The following WDR72 variants were observed in gnomAD, a reference collection of about 807,000 sequenced individuals.
The protein encoded by WDR72 is WD repeat-containing protein 72.
In WDR72, 120 loss-of-function variants were observed where a neutral mutation model predicts 124.2. That is an observed-to-expected ratio of 0.97 (90% CI 0.83 to 1.12). The LOEUF is 1.12. Ranked by LOEUF, WDR72 falls within the 50% of genes most tolerant of loss-of-function variation. The pLI is 0.00. For synonymous variants in WDR72, 452 were observed against 441.7 expected (o/e 1.02, Z -0.29); for missense variants, 1,387 against 1,278.8 (o/e 1.08, Z -1.29).
At chr15:53,695,965 TC>T (rs2016991554) in intron 13 of WDR72, among the ~76,000 whole-genome samples, 1 of 152,072 alleles carries the variant, frequency 6.6e-6, no homozygotes, top group Non-Finnish European at 1.5e-5. Context: ...CTCCCCAAGC[TC>T]CCACCAAGGC....
intron 1 of WDR72, among the ~76,000 whole-genome samples, chr15:53,742,399 C>G (rs1420320926): frequency 6.6e-6 from 1 of 152,108 alleles, no homozygotes; most frequent in African/African-American, 2.4e-5. Flanking sequence ...AATTATGTGT[C>G]TAGACAAGTT....
At chr15:53,702,102 A>C in intron 12 of WDR72, 32 bp downstream of exon 12, 1 of 1,523,250 alleles carries the variant, frequency 6.6e-7, no homozygotes, top group Non-Finnish European at 9.0e-7. Flanking sequence ...TAATTTTCAA[A>C]TTTAGATGTT....
At chr15:53,635,495 T>C (rs1191864194) in intron 14 of WDR72, among the ~76,000 whole-genome samples, 1 of 152,196 alleles carries the variant, frequency 6.6e-6, no homozygotes, top group Non-Finnish European at 1.5e-5. Context: ...GCTTAAAATT[T>C]ATTTTCTTAA....
intron 1 of WDR72, among the ~76,000 whole-genome samples, chr15:53,737,893 A>G (rs2018402680): frequency 1.3e-5 from 2 of 152,280 alleles, no homozygotes; most frequent in Admixed American, 1.3e-4. Context: ...TAAAACTGTG[A>G]CCCTCCTGGA....
At chr15:53,578,100 A>T (rs1321166863) in intron 18 of WDR72, among the ~76,000 whole-genome samples, 1 of 152,124 alleles carries the variant, frequency 6.6e-6, no homozygotes, top group Non-Finnish European at 1.5e-5. Context: ...ATTCCCTGCC[A>T]TCTATTTGTT....
chr15:53,594,994 T>C (rs2012704415), intron 18 of WDR72, among the ~76,000 whole-genome samples: 1 of 152,166 alleles, frequency 6.6e-6, no homozygotes, highest in African/African-American at 2.4e-5. Context: ...GTCTCCCATT[T>C]AATTGCAATT....
intron 18 of WDR72, among the ~76,000 whole-genome samples, chr15:53,562,846 CTTATA>C (rs1894171545): frequency 6.6e-6 from 1 of 151,690 alleles, no homozygotes; most frequent in South Asian, 2.1e-4. Flanking sequence ...GTCAAATAAA[CTTATA>C]TTATGACATT....
At chr15:53,692,703 G>A (rs747870124) in intron 13 of WDR72, among the ~76,000 whole-genome samples, 6 of 152,066 alleles carry the variant, frequency 3.9e-5, no homozygotes, top group African/African-American at 7.2e-5. Context: ...GCAAACATAC[G>A]CACATGCACA....
chr15:53,695,415 G>A (rs1054781798), intron 13 of WDR72, among the ~76,000 whole-genome samples: 2 of 152,286 alleles, frequency 1.3e-5, no homozygotes, highest in East Asian at 1.9e-4. Flanking sequence ...ACATTATTAC[G>A]CCTATTGTGT....
At position 53,600,433 on chromosome 15, in the gene WDR72, AT is replaced by A. The variant is rs368770409; in HGVS notation, c.2953-3160del. Among the ~76,000 whole-genome samples the A allele has an allele frequency of 2.7e-3, 411 of 152,316 alleles. 1 individual carries two copies. Among genetic ancestry groups the A allele is most frequent in the African/African-American group, 9.6e-3 (400 of 41,580 alleles). On this transcript the variant is annotated intron_variant, in intron 17 of 19. Coordinates refer to ENST00000360509, the MANE Select transcript of WDR72 (RefSeq NM_182758.4). The stretch of plus-strand genomic sequence containing the variant: ...AAGAAATTTCTTCCAAAAGGTAGAT[AT>A]CAAAGAATCATATTCTTTTATGAGG...
intron 14 of WDR72, among the ~76,000 whole-genome samples, chr15:53,657,016 G>C (rs1392130042): frequency 1.3e-5 from 2 of 152,024 alleles, no homozygotes; most frequent in African/African-American, 2.4e-5. Flanking sequence ...TGTAATCCCA[G>C]CACTTTGGGA....
At chr15:53,652,655 T>C (rs1423711681) in intron 14 of WDR72, among the ~76,000 whole-genome samples, 1 of 152,202 alleles carries the variant, frequency 6.6e-6, no homozygotes, top group Non-Finnish European at 1.5e-5. Context: ...GCTCCTGATA[T>C]ACAACGCAAT....
chr15:53,520,754 G>A (rs1010052145), intron 19 of WDR72, among the ~76,000 whole-genome samples: 3 of 152,090 alleles, frequency 2.0e-5, no homozygotes, highest in South Asian at 2.1e-4. Flanking sequence ...TGAAGTTAAC[G>A]TTTGGGCTTT....
chr15:53,600,769 A>G (rs1484845468), intron 17 of WDR72, among the ~76,000 whole-genome samples: 6 of 152,180 alleles, frequency 3.9e-5, no homozygotes, highest in African/African-American at 1.2e-4. Flanking sequence ...CTGGAAAAGC[A>G]ACATTTCTAG....
In WDR72 at chr15:53,523,323, C is replaced by G; in HGVS notation, c.3149-1G>C. On this transcript the variant is annotated splice_acceptor_variant, in intron 18 of 19. Coordinates refer to ENST00000360509, the MANE Select transcript of WDR72 (RefSeq NM_182758.4). LOFTEE classifies it high-confidence loss of function. ...TCATGCTTGACCGGGCTGACTGGAG[C>G]TATTAAAAGAGAGAGAGAGAGAGAG... The G allele has an allele frequency of 6.3e-7, 1 of 1,599,346 alleles. No homozygotes were observed. The highest frequency in any genetic ancestry group is 8.5e-7 in the Non-Finnish European group (1 of 1,172,672).
chr15:53,618,153 C>T (rs16966321), intron 14 of WDR72, among the ~76,000 whole-genome samples: 11,997 of 151,808 alleles, frequency 0.079, 1,588 homozygotes, highest in African/African-American at 0.28. Flanking sequence ...ATTTTTTTTA[C>T]CCCTGCATAC....
chr15:53,549,635 A>G (rs572433682), intron 18 of WDR72, among the ~76,000 whole-genome samples: 30 of 152,262 alleles, frequency 2.0e-4, no homozygotes, highest in Non-Finnish European at 2.8e-4. Context: ...CAGACTGACA[A>G]AGGGAGATCA....
At chr15:53,591,805 T>C (rs1366964563) in intron 18 of WDR72, among the ~76,000 whole-genome samples, 1 of 147,336 alleles carries the variant, frequency 6.8e-6, no homozygotes, top group Non-Finnish European at 1.5e-5. Context: ...CTTGCATTAT[T>C]CTTATTGTCT....
intron 18 of WDR72, chr15:53,541,250 A>G (rs1371633604): frequency 1.3e-5 from 2 of 153,052 alleles, no homozygotes; most frequent in African/African-American, 4.8e-5. Context: ...CCTATCTAAC[A>G]GCTTTGAAGA....
Sources: allele counts gnomAD v4.1 joint callset (sites outside exome capture counted in the v4.1 genomes callset), GRCh38; gene constraint gnomAD v4.1.1; transcripts MANE v1.5; gene names NCBI Gene and HGNC (gene_info 2026-07-23, HGNC 2026-07-21).